NLGN1: variants seen among roughly 807,000 people sequenced by gnomAD.
The protein encoded by NLGN1 is neuroligin-1.
Under a neutral mutation model 65.5 loss-of-function variants are expected in NLGN1, and 12 were observed. The ratio of observed to expected loss-of-function variants is 0.18; its 90% CI spans 0.12 to 0.30. NLGN1 has a LOEUF of 0.30. NLGN1 is among the 10% of genes least tolerant of loss of function. The pLI is 1.00. For missense variants in NLGN1, 750 were observed against 1,007.1 expected (o/e 0.74, Z 3.46); for synonymous variants, 350 against 359.5 (o/e 0.97, Z 0.30).
At chr3:173,675,725 T>C (rs1406333577) in intron 3 of NLGN1, among the ~76,000 whole-genome samples, 1 of 151,954 alleles carries the variant, frequency 6.6e-6, no homozygotes, top group East Asian at 1.9e-4. Context: ...GTTATAGAAA[T>C]GCAAAACAAG....
At chr3:173,700,026 AC>A (rs1766887345) in intron 3 of NLGN1, among the ~76,000 whole-genome samples, 2 of 152,216 alleles carry the variant, frequency 1.3e-5, no homozygotes, top group Non-Finnish European at 2.9e-5. Flanking sequence ...TCTTCCCATC[AC>A]AAGGACAAAA....
intron 3 of NLGN1, among the ~76,000 whole-genome samples, chr3:173,714,035 G>A (rs1368819420): frequency 6.6e-6 from 1 of 152,084 alleles, no homozygotes; most frequent in African/African-American, 2.4e-5. Context: ...AAAAATAAAT[G>A]TTTGAATGCA....
intron 2 of NLGN1, among the ~76,000 whole-genome samples, chr3:173,438,480 C>A (rs1174377582): frequency 6.6e-6 from 1 of 152,088 alleles, no homozygotes; most frequent in Non-Finnish European, 1.5e-5. Context: ...GGATCCTGGG[C>A]TCACAGATCC....
At chr3:174,244,703 T>C (rs1743478149) in intron 4 of NLGN1, among the ~76,000 whole-genome samples, 2 of 152,244 alleles carry the variant, frequency 1.3e-5, no homozygotes, top group East Asian at 3.9e-4. Context: ...TTGAGTCTTT[T>C]AAAAGGCAAA....
chr3:173,719,439 T>C (rs1770449074), intron 3 of NLGN1, among the ~76,000 whole-genome samples: 1 of 152,194 alleles, frequency 6.6e-6, no homozygotes, highest in Non-Finnish European at 1.5e-5. Context: ...TCAGACATCA[T>C]TTAGTTACGC....
Position 174,279,250 on chromosome 3 carries a change from A to C in NLGN1, c.1249A>C (p.Asn417His), listed in dbSNP as rs1453266536. The C allele has an allele frequency of 6.2e-7, 1 of 1,613,334 alleles. No homozygotes were observed. Among genetic ancestry groups the C allele is most frequent in the East Asian group, 2.2e-5 (1 of 44,838 alleles). The change falls in exon 6 of 7, where the codon AAT becomes CAT. Residue 417 changes from asparagine to histidine, a missense_variant. Coordinates refer to ENST00000457714, the Ensembl canonical transcript of NLGN1. The surrounding 1 kb of genome is among the most constrained non-coding windows in gnomAD (Gnocchi z 4.7). ...TAGTGATTTTGACTTTGCTGTTTCA[A>C]ATTTTGTTGATAATTTATATGGATA... is the stretch of plus-strand genomic sequence containing the variant.
At chr3:173,984,022 T>C (rs1439673021) in intron 4 of NLGN1, among the ~76,000 whole-genome samples, 1 of 152,188 alleles carries the variant, frequency 6.6e-6, no homozygotes, top group Admixed American at 6.5e-5. Flanking sequence ...ACCACAGGGC[T>C]AGAGGATGTC....
At chr3:173,654,075 A>G (rs1164772352) in intron 3 of NLGN1, among the ~76,000 whole-genome samples, 6 of 152,186 alleles carry the variant, frequency 3.9e-5, no homozygotes, top group African/African-American at 9.7e-5. Flanking sequence ...GTCATCCTCA[A>G]TAAGCCCTAC....
intron 4 of NLGN1, among the ~76,000 whole-genome samples, chr3:173,900,504 C>T (rs1428445886): frequency 6.6e-6 from 1 of 152,010 alleles, no homozygotes; most frequent in Non-Finnish European, 1.5e-5. Context: ...CCATGAATCC[C>T]TTTAATTACT....
At chr3:173,728,267 A>G (rs1030235769) in intron 3 of NLGN1, among the ~76,000 whole-genome samples, 1 of 152,178 alleles carries the variant, frequency 6.6e-6, no homozygotes, top group African/African-American at 2.4e-5. Context: ...TGGCAAGACT[A>G]TGAAAGTCCT....
chr3:174,278,766 G>C, intron 5 of NLGN1, 95 bp from the exon 6 acceptor site: 3 of 1,014,232 alleles, frequency 3.0e-6, no homozygotes, highest in Non-Finnish European at 4.1e-6. Flanking sequence ...AGCTGTATCT[G>C]GGTTTTTATA....
chr3:174,033,835 A>G (rs1730546694), intron 4 of NLGN1, among the ~76,000 whole-genome samples: 1 of 152,176 alleles, frequency 6.6e-6, no homozygotes, highest in Non-Finnish European at 1.5e-5. Flanking sequence ...TAAAACATGT[A>G]TAATTGTAAT....
At chr3:173,838,121 G>T (rs575416779) in intron 4 of NLGN1, among the ~76,000 whole-genome samples, 1 of 151,700 alleles carries the variant, frequency 6.6e-6, no homozygotes, top group East Asian at 1.9e-4. Flanking sequence ...CTCAAGGTTT[G>T]TTCCTTATAC....
At chr3:173,733,971 A>G (rs545993650) in intron 3 of NLGN1, among the ~76,000 whole-genome samples, 105 of 152,200 alleles carry the variant, frequency 6.9e-4, no homozygotes, top group African/African-American at 2.4e-3. Flanking sequence ...ATGTCATTTG[A>G]CATATCAAAT....
chr3:173,733,418 C>T (rs1295991423), intron 3 of NLGN1, among the ~76,000 whole-genome samples: 2 of 152,074 alleles, frequency 1.3e-5, no homozygotes, highest in East Asian at 3.9e-4. Context: ...TCTCTCTTTC[C>T]CTTTCCCTTT....
At chr3:174,200,472 T>A (rs1734228576) in intron 4 of NLGN1, among the ~76,000 whole-genome samples, 1 of 152,192 alleles carries the variant, frequency 6.6e-6, no homozygotes, top group Admixed American at 6.5e-5. Context: ...TGCATGAAGC[T>A]CTTTTTAAAT....
chr3:173,657,160 T>C (rs555104047), intron 3 of NLGN1, among the ~76,000 whole-genome samples: 8 of 152,104 alleles, frequency 5.3e-5, no homozygotes, highest in Non-Finnish European at 8.8e-5. Flanking sequence ...AACTCCCGAA[T>C]TTCACTCACT....
chr3:173,463,235 C>T (rs1282717898), intron 2 of NLGN1, among the ~76,000 whole-genome samples: 2 of 152,198 alleles, frequency 1.3e-5, no homozygotes, highest in Non-Finnish European at 1.5e-5. Context: ...TCAAACTATA[C>T]TTTCCCTTAA....
At chr3:174,243,960 G>T (rs1577551555) in intron 4 of NLGN1, among the ~76,000 whole-genome samples, 1 of 151,976 alleles carries the variant, frequency 6.6e-6, no homozygotes, top group South Asian at 2.1e-4. Context: ...CTTTTTTTAG[G>T]TCCAGGGCCT....
Sources: allele counts gnomAD v4.1 joint callset (sites outside exome capture counted in the v4.1 genomes callset), GRCh38; gene constraint gnomAD v4.1.1; non-coding constraint Gnocchi (gnomAD v3.1); transcripts MANE v1.5; gene names NCBI Gene and HGNC (gene_info 2026-07-23, HGNC 2026-07-21).